RAPGEF6: variants seen among roughly 807,000 people sequenced by gnomAD.
The protein encoded by RAPGEF6 is Rap guanine nucleotide exchange factor 6.
A neutral mutation model predicts 171.4 loss-of-function variants in RAPGEF6; 56 were observed. The observed-to-expected ratio is 0.33, with a 90% confidence interval of 0.26 to 0.41. The LOEUF is 0.41. Ranked by LOEUF, RAPGEF6 falls within the 10% of genes least tolerant of loss-of-function variation. The pLI is 1.00. For missense variants in RAPGEF6, 1,674 were observed against 1,921.4 expected, an observed-to-expected ratio of 0.87 and a Z score of 2.41; for synonymous variants, 692 against 650.1, an observed-to-expected ratio of 1.06 and a Z score of -0.98.
At chr5:131,519,684 A>T (rs898584806) in intron 7 of RAPGEF6, among the ~76,000 whole-genome samples, 23 of 152,186 alleles carry the variant, frequency 1.5e-4, no homozygotes, top group Non-Finnish European at 5.9e-5. Flanking sequence ...TTCAACACTA[A>T]ACCTCTGTGT....
chr5:131,544,366 A>G (rs1760363352), intron 6 of RAPGEF6, among the ~76,000 whole-genome samples: 1 of 152,206 alleles, frequency 6.6e-6, no homozygotes, highest in African/African-American at 2.4e-5. Context: ...TACCCACAAG[A>G]GAGGGGAAAA....
intron 14 of RAPGEF6, 53 bp downstream of exon 14, chr5:131,492,529 A>G: frequency 6.5e-7 from 1 of 1,532,104 alleles, no homozygotes; most frequent in Non-Finnish European, 9.0e-7. Flanking sequence ...CAAAAGCAGC[A>G]GGCATAATAC....
intron 21 of RAPGEF6, among the ~76,000 whole-genome samples, chr5:131,451,308 G>A (rs1753050325): frequency 6.6e-6 from 1 of 152,142 alleles, no homozygotes; most frequent in Non-Finnish European, 1.5e-5. Flanking sequence ...CCTAGGCCGG[G>A]TGCAGTGGCT....
Position 131,521,600 on chromosome 5 carries a change from T to G in RAPGEF6, c.496-79A>C, listed in dbSNP as rs974417397. 4 of 1,319,848 alleles carry G rather than the reference T, an allele frequency of 3.0e-6. No homozygotes were observed. In the Admixed American group the frequency reaches 7.4e-5, roughly 24 times the overall value. The allele number at this position is 1,319,848 out of a possible 1,614,324, so 81.8% of individuals were successfully genotyped here. A position where few individuals can be genotyped will look rare whatever the true frequency, so the allele number is the denominator to read the frequency against. On this transcript the variant is annotated intron_variant, in intron 6 of 27. Transcript: ENST00000509018. Reference sequence around the variant, plus strand: ...GCGGTTTCGACATGTTCAACAAATTTTTATGTACATTACTGTGCAATCTCT... The same window carrying G: ...GCGGTTTCGACATGTTCAACAAATTGTTATGTACATTACTGTGCAATCTCT...
chr5:131,544,129 A>G (rs1164205387), intron 6 of RAPGEF6, among the ~76,000 whole-genome samples: 1 of 152,214 alleles, frequency 6.6e-6, no homozygotes, highest in Non-Finnish European at 1.5e-5. Flanking sequence ...GCCACACTAA[A>G]TAACAATTTT....
chr5:131,624,539 C>T (rs1290930658), intron 1 of RAPGEF6, among the ~76,000 whole-genome samples: 1 of 152,170 alleles, frequency 6.6e-6, no homozygotes, highest in African/African-American at 2.4e-5. Context: ...TACACCTGTA[C>T]TCCCAGCTAC....
intron 15 of RAPGEF6, among the ~76,000 whole-genome samples, chr5:131,481,425 C>T (rs1352287137): frequency 1.3e-5 from 2 of 151,022 alleles, no homozygotes; most frequent in African/African-American, 2.4e-5. Context: ...GATGGGGTTT[C>T]GACATGTTGC....
At chr5:131,508,809 G>C (rs1270575276) in intron 8 of RAPGEF6, among the ~76,000 whole-genome samples, 2 of 152,092 alleles carry the variant, frequency 1.3e-5, no homozygotes, top group East Asian at 3.9e-4. Flanking sequence ...ATAACTATAA[G>C]GTGCTATATA....
At chr5:131,450,274 T>G (rs1401725823) in intron 21 of RAPGEF6, among the ~76,000 whole-genome samples, 1 of 152,142 alleles carries the variant, frequency 6.6e-6, no homozygotes, top group African/African-American at 2.4e-5. Context: ...AAAAATATGC[T>G]TTAGACCAAT....
chr5:131,472,679 A>C lies in RAPGEF6; in HGVS notation c.2147T>G (p.Leu716Arg). Residue 716 changes from leucine to arginine, a missense_variant, in exon 17 of 28, where the codon CTG (leucine) becomes CGG (arginine). Around this residue, in one of 3 missense-constraint regions of RAPGEF6, gnomAD observed 1,116 missense variants for 1,321.5 expected, o/e 0.84. Transcript: ENST00000509018. The part of the protein sequence containing the change: ...IVGTRHCRHS[L>R]AIMPIPGTLS... ...TGTTCCAGGGATGGGCATTATAGCC[A>C]GACTATGCCTACAGTGCCTTGTTCC... 1 of 1,612,988 alleles carries C rather than the reference A, an allele frequency of 6.2e-7. No homozygotes were observed. Among genetic ancestry groups the C allele is most frequent in the South Asian group, 1.1e-5 (1 of 91,046 alleles).
intron 3 of RAPGEF6, among the ~76,000 whole-genome samples, chr5:131,595,166 C>G (rs1012352353): frequency 1.1e-4 from 16 of 152,082 alleles, no homozygotes; most frequent in African/African-American, 3.1e-4. Flanking sequence ...AGGGGAGGGA[C>G]CTGGTGGGAG....
In RAPGEF6 at chr5:131,425,338, A is replaced by C. The variant is rs969482931; in HGVS notation, c.*1928T>G. The C allele has an allele frequency of 6.6e-6, 1 of 152,390 alleles. No individual in the cohort carries two copies. The highest frequency in any genetic ancestry group is 1.5e-5 in the Non-Finnish European group (1 of 68,042). 9.4% of individuals were successfully genotyped at this position (152,390 alleles called of 1,614,324 possible). Reference sequence around the variant, plus strand: ...GTAGACATCTGAATTTGATAAAAAAAGTGGGTATAGCAAAAATATATTTCA... The same window carrying C: ...GTAGACATCTGAATTTGATAAAAAACGTGGGTATAGCAAAAATATATTTCA... On this transcript the variant is annotated 3_prime_UTR_variant, in exon 28 of 28. Coordinates refer to ENST00000509018, the MANE Select transcript of RAPGEF6 (RefSeq NM_016340.6).
intron 4 of RAPGEF6, among the ~76,000 whole-genome samples, chr5:131,563,084 C>G (rs917714450): frequency 6.6e-6 from 1 of 150,770 alleles, no homozygotes; most frequent in African/African-American, 2.4e-5. Context: ...AAAGCCCTGT[C>G]AACTATACTA....
intron 6 of RAPGEF6, among the ~76,000 whole-genome samples, chr5:131,534,164 G>A (rs1759596797): frequency 2.6e-5 from 4 of 152,064 alleles, no homozygotes; most frequent in South Asian, 4.1e-4. Flanking sequence ...TGGGGAAAAT[G>A]GGGTGTGCAA....
intron 18 of RAPGEF6, among the ~76,000 whole-genome samples, chr5:131,462,771 G>A (rs1048543500): frequency 6.6e-6 from 1 of 152,142 alleles, no homozygotes; most frequent in Non-Finnish European, 1.5e-5. Context: ...AAGGAAACGA[G>A]GTAATGTATC....
chr5:131,572,855 A>G (rs183178053), intron 4 of RAPGEF6, among the ~76,000 whole-genome samples: 4 of 152,278 alleles, frequency 2.6e-5, no homozygotes, highest in East Asian at 1.9e-4. Context: ...CTTGGCCCCA[A>G]TACAAACTCG....
chr5:131,593,793 C>T (rs1329261333), intron 3 of RAPGEF6, among the ~76,000 whole-genome samples: 2 of 152,152 alleles, frequency 1.3e-5, no homozygotes, highest in Non-Finnish European at 2.9e-5. Flanking sequence ...TTCTAAGCAG[C>T]AAAGCATTCA....
At chr5:131,514,668 T>C (rs1400959834) in intron 7 of RAPGEF6, among the ~76,000 whole-genome samples, 1 of 151,462 alleles carries the variant, frequency 6.6e-6, no homozygotes, top group African/African-American at 2.4e-5. Flanking sequence ...GTAAGAAGAA[T>C]AAATTTGAAG....
At chr5:131,550,675 A>G (rs928102025) in intron 5 of RAPGEF6, among the ~76,000 whole-genome samples, 1 of 152,208 alleles carries the variant, frequency 6.6e-6, no homozygotes, top group African/African-American at 2.4e-5. Flanking sequence ...CTCAAAGGCC[A>G]TCTCTTCCAT....
Sources: allele counts gnomAD v4.1 joint callset (sites outside exome capture counted in the v4.1 genomes callset), GRCh38; gene constraint gnomAD v4.1.1; regional missense constraint gnomAD v4.1.1; transcripts MANE v1.5; gene names NCBI Gene and HGNC (gene_info 2026-07-23, HGNC 2026-07-21).